Variants in CDIN1 observed in about 807,000 individuals in gnomAD.
CDIN1 encodes the protein CDAN1 interacting nuclease 1.
A neutral mutation model predicts 45.3 loss-of-function variants in CDIN1; 33 were observed. The ratio of observed to expected loss-of-function variants is 0.73; its 90% CI spans 0.55 to 0.97. The LOEUF is 0.97. CDIN1 is among the 50% of genes least tolerant of loss of function. The pLI is 0.00. For missense variants in CDIN1, 303 were observed against 339.4 expected (o/e 0.89, Z 0.84); for synonymous variants, 118 against 124.4 (o/e 0.95, Z 0.34).
At chr15:36,664,508 G>T (rs1307756006) in intron 5 of CDIN1, among the ~76,000 whole-genome samples, 1 of 152,124 alleles carries the variant, frequency 6.6e-6, no homozygotes, top group Non-Finnish European at 1.5e-5. Context: ...TCATTCTAGA[G>T]GGTAATGCTT....
chr15:36,801,254 G>T (rs1017383340), intron 10 of CDIN1, among the ~76,000 whole-genome samples: 7 of 151,822 alleles, frequency 4.6e-5, no homozygotes, highest in Non-Finnish European at 7.4e-5. Flanking sequence ...CAGTTTCCGT[G>T]ATTACAGGTA....
At chr15:36,672,220 A>G (rs1430423526) in intron 5 of CDIN1, among the ~76,000 whole-genome samples, 2 of 152,032 alleles carry the variant, frequency 1.3e-5, no homozygotes, top group Non-Finnish European at 2.9e-5. Flanking sequence ...TCTATGAAAC[A>G]TGTCTTGAAT....
At chr15:36,707,628 C>T (rs1284612267) in intron 8 of CDIN1, 1 of 152,090 alleles carries the variant, frequency 6.6e-6, no homozygotes, top group Non-Finnish European at 1.5e-5. Context: ...ATTTTTCTTT[C>T]TGAAGCAGAT....
chr15:36,723,856 C>T (rs1034339201), intron 10 of CDIN1, among the ~76,000 whole-genome samples: 5 of 152,198 alleles, frequency 3.3e-5, no homozygotes, highest in Non-Finnish European at 5.9e-5. Flanking sequence ...TATATTTCAG[C>T]GCATACAAAG....
intron 1 of CDIN1, among the ~76,000 whole-genome samples, chr15:36,643,496 C>T (rs772057706): frequency 1.2e-4 from 19 of 152,174 alleles, no homozygotes; most frequent in Non-Finnish European, 1.9e-4. Flanking sequence ...ATAAGTTAGA[C>T]GTGTCTGTAA....
chr15:36,611,147 A>G (rs879470314), intron 1 of CDIN1, among the ~76,000 whole-genome samples: 5 of 152,174 alleles, frequency 3.3e-5, no homozygotes, highest in African/African-American at 1.2e-4. Flanking sequence ...AGGCCTTAGC[A>G]CTTCTTGGCA....
At chr15:36,620,220 G>T (rs1415847648) in intron 1 of CDIN1, among the ~76,000 whole-genome samples, 3 of 152,004 alleles carry the variant, frequency 2.0e-5, no homozygotes, top group South Asian at 2.1e-4. Flanking sequence ...GAGTGGTGGC[G>T]GGCGCCTGTA....
intron 5 of CDIN1, among the ~76,000 whole-genome samples, chr15:36,689,971 T>G (rs1013790894): frequency 1.3e-5 from 2 of 152,212 alleles, no homozygotes; most frequent in Non-Finnish European, 2.9e-5. Flanking sequence ...GCAATGGGCA[T>G]TAAACTTGGG....
At chr15:36,645,751 A>T (rs140427247) in intron 3 of CDIN1, among the ~76,000 whole-genome samples, 51 of 152,274 alleles carry the variant, frequency 3.3e-4, no homozygotes, top group African/African-American at 1.2e-3. Context: ...AGGTATTAGG[A>T]TATCCATTTT....
At chr15:36,614,876 C>T (rs2038813725) in intron 1 of CDIN1, among the ~76,000 whole-genome samples, 2 of 152,214 alleles carry the variant, frequency 1.3e-5, no homozygotes, top group South Asian at 4.1e-4. Context: ...GATGGTAAGA[C>T]CTCTGAGACA....
chr15:36,677,100 G>A (rs1447493255), intron 5 of CDIN1, among the ~76,000 whole-genome samples: 3 of 152,150 alleles, frequency 2.0e-5, no homozygotes, highest in Non-Finnish European at 4.4e-5. Flanking sequence ...GTTCATAAAT[G>A]TATTTATTCA....
rs1566910973 is a variant in CDIN1, at chr15:36,699,224, ATT to A, written c.544+1835_544+1836del. On this transcript the variant is annotated intron_variant, in intron 8 of 10. Coordinates refer to ENST00000566621, the MANE Select transcript of CDIN1 (RefSeq NM_001321759.2). ...CTTTGTATTTTTAATGTAGCACTGA[ATT>A]AACATATGTTTGTGGTTGAAAAATG... 2.0e-3 allele frequency among the ~76,000 whole-genome samples: 311 copies of A among 152,294 alleles called. 1 individual carries two copies. The highest frequency in any genetic ancestry group is 6.9e-3 in the African/African-American group (286 of 41,562).
At chr15:36,589,970 C>T (rs1280684728) in intron 1 of CDIN1, among the ~76,000 whole-genome samples, 1 of 152,168 alleles carries the variant, frequency 6.6e-6, no homozygotes, top group South Asian at 2.1e-4. Flanking sequence ...GAACTAATAC[C>T]TGCTTCACCT....
At chr15:36,754,458 G>A (rs902325087) in intron 10 of CDIN1, among the ~76,000 whole-genome samples, 47 of 151,582 alleles carry the variant, frequency 3.1e-4, no homozygotes, top group African/African-American at 9.7e-4. Context: ...CAGAAGTCAG[G>A]CCTAATCTTT....
chr15:36,691,898 A>G lies in CDIN1; in HGVS notation c.426+134A>G, dbSNP rs533291689. 1.1e-4 allele frequency: 89 copies of G among 774,514 alleles called. No individual in the cohort carries two copies. The South Asian group carries it at 1.5e-3, about 13-fold the overall frequency. 48.0% of individuals were successfully genotyped at this position (774,514 alleles called of 1,614,324 possible). A position where few individuals can be genotyped will look rare whatever the true frequency, so the allele number is the denominator to read the frequency against. ...CAGGGTGCACCATAAATGGCAATGCAGTATTTGCGAGAAGAGCATTTCACT... is the reference window on the plus strand; with the variant it reads ...CAGGGTGCACCATAAATGGCAATGCGGTATTTGCGAGAAGAGCATTTCACT... On this transcript the variant is annotated intron_variant, in intron 6 of 10. Transcript: ENST00000566621.
chr15:36,647,996 C>A (rs1228659011), intron 3 of CDIN1, among the ~76,000 whole-genome samples: 7 of 152,056 alleles, frequency 4.6e-5, no homozygotes, highest in African/African-American at 1.4e-4. Flanking sequence ...CCCGCCACCA[C>A]GCCCGGCTAA....
intron 10 of CDIN1, among the ~76,000 whole-genome samples, chr15:36,745,891 A>T (rs768022950): frequency 3.0e-4 from 46 of 151,972 alleles, no homozygotes; most frequent in Non-Finnish European, 6.0e-4. Flanking sequence ...GCTTGAACCC[A>T]GGAGTTAGAG....
intron 8 of CDIN1, among the ~76,000 whole-genome samples, chr15:36,698,870 G>T (rs1490773347): frequency 6.6e-6 from 1 of 152,158 alleles, no homozygotes; most frequent in Non-Finnish European, 1.5e-5. Flanking sequence ...AAAAGCAAAG[G>T]TTGTAGATGT....
intron 1 of CDIN1, among the ~76,000 whole-genome samples, chr15:36,643,972 G>C (rs2040212399): frequency 6.6e-6 from 1 of 152,112 alleles, no homozygotes; most frequent in Non-Finnish European, 1.5e-5. Flanking sequence ...GCTTTCTTGT[G>C]GTCCCTTTTA....
Sources: gnomAD v4.1 joint callset for allele counts (sites outside exome capture counted in the v4.1 genomes callset) on GRCh38, gnomAD v4.1.1 for gene constraint, MANE v1.5 for transcripts, NCBI Gene and HGNC (gene_info 2026-07-23, HGNC 2026-07-21) for gene names.